The following GABRB1 variants were observed in gnomAD, a reference collection of about 807,000 sequenced individuals.
GABRB1 encodes the protein gamma-aminobutyric acid receptor subunit beta-1.
In GABRB1, 17 loss-of-function variants were observed where a neutral mutation model predicts 51.6. The observed-to-expected ratio is 0.33, with a 90% CI of 0.23 to 0.49. The LOEUF (loss-of-function observed/expected upper bound fraction) is 0.49. GABRB1 is among the 20% of genes least tolerant of loss of function. The probability of loss-of-function intolerance (pLI) is 0.99; values close to 1 mark genes in which losing one functional copy is unlikely to be tolerated. For missense variants in GABRB1, 410 were observed against 600.6 expected (o/e 0.68, Z 3.32); for synonymous variants, 247 against 218.9 (o/e 1.13, Z -1.14).
At chr4:47,032,851 C>A (rs909797880) in intron 3 of GABRB1, 2 of 421,324 alleles carry the variant, frequency 4.7e-6, no homozygotes, top group African/African-American at 4.1e-5. Flanking sequence ...GTCCCCGGAC[C>A]GGTGGTCGGC....
At chr4:47,107,221 G>T (rs527766485) in intron 3 of GABRB1, among the ~76,000 whole-genome samples, 1 of 151,964 alleles carries the variant, frequency 6.6e-6, no homozygotes, top group East Asian at 1.9e-4. Context: ...TGTTTATGAT[G>T]ATCTCTTCAT....
chr4:47,321,078 T>C (rs541045118), intron 5 of GABRB1, among the ~76,000 whole-genome samples: 1 of 152,342 alleles, frequency 6.6e-6, no homozygotes, highest in South Asian at 2.1e-4. Flanking sequence ...AGCCTATAGG[T>C]ATTTGAGACC....
intron 8 of GABRB1, among the ~76,000 whole-genome samples, chr4:47,407,835 A>G (rs1399134770): frequency 1.3e-5 from 2 of 152,246 alleles, no homozygotes; most frequent in Non-Finnish European, 2.9e-5. Context: ...ACAGTGACTC[A>G]TGTCCGTAAT....
At chr4:47,314,295 G>A (rs1560329584) in intron 4 of GABRB1, among the ~76,000 whole-genome samples, 1 of 151,836 alleles carries the variant, frequency 6.6e-6, no homozygotes, top group African/African-American at 2.4e-5. Context: ...TAAAAGTTGG[G>A]TTTTTTAAAA....
rs150620466 is a variant in GABRB1, at chr4:47,068,637, A to G, written c.240+36153A>G. Among the ~76,000 whole-genome samples the G allele has an allele frequency of 1.4e-3, 220 of 152,300 alleles. 2 individuals are homozygous for G. Among genetic ancestry groups the G allele is most frequent in the African/African-American group, 4.9e-3 (203 of 41,568 alleles). Reference sequence around the variant, plus strand: ...GTGGAGCAATCAGAACACACAAAACATTTATCAATTGTTTGCTCTCTTATA... The same window carrying G: ...GTGGAGCAATCAGAACACACAAAACGTTTATCAATTGTTTGCTCTCTTATA... On this transcript the variant is annotated intron_variant, in intron 3 of 8. Transcript: ENST00000295454.
At chr4:47,070,442 C>T (rs930957807) in intron 3 of GABRB1, among the ~76,000 whole-genome samples, 2 of 152,138 alleles carry the variant, frequency 1.3e-5, no homozygotes, top group African/African-American at 4.8e-5. Flanking sequence ...AGCGATTCTC[C>T]TGCCTCAGTC....
intron 8 of GABRB1, among the ~76,000 whole-genome samples, chr4:47,412,510 C>G (rs1030295522): frequency 2.6e-5 from 4 of 152,116 alleles, no homozygotes; most frequent in African/African-American, 7.2e-5. Flanking sequence ...ATATCAACCT[C>G]TGGTATTCTT....
chr4:47,181,465 A>G (rs1189697901), intron 4 of GABRB1, among the ~76,000 whole-genome samples: 1 of 152,014 alleles, frequency 6.6e-6, no homozygotes, highest in Non-Finnish European at 1.5e-5. Context: ...GTCCTTTCAG[A>G]TGGCAATAGA....
At chr4:47,269,248 A>G (rs1378736712) in intron 4 of GABRB1, among the ~76,000 whole-genome samples, 2 of 152,236 alleles carry the variant, frequency 1.3e-5, no homozygotes, top group African/African-American at 4.8e-5. Context: ...TGCTATGGCA[A>G]GGCTGAAACC....
intron 3 of GABRB1, among the ~76,000 whole-genome samples, chr4:47,076,712 A>G (rs1727567054): frequency 6.6e-6 from 1 of 152,170 alleles, no homozygotes. Context: ...CTGTGGTGCA[A>G]TTTGTATTTC....
At chr4:47,331,958 C>G (rs1042045160) in intron 5 of GABRB1, among the ~76,000 whole-genome samples, 1 of 152,156 alleles carries the variant, frequency 6.6e-6, no homozygotes, top group African/African-American at 2.4e-5. Context: ...CTTCTTAATA[C>G]TGTCTTCACA....
Position 47,403,620 on chromosome 4 carries a change from G to A in GABRB1, c.744G>A (p.Leu248=). ...AGAGAAACATTGGTTACTTCATTTT[G>A]CAAACCTACATGCCTTCTACACTGA... ...RLKRNIGYFI[L]QTYMPSTLIT... Residue 248 remains leucine, a synonymous_variant, in exon 7 of 9, where the codon TTG becomes TTA. Coordinates refer to ENST00000295454, the MANE Select transcript of GABRB1 (RefSeq NM_000812.4). 1 of 1,613,934 alleles carries A rather than the reference G, an allele frequency of 6.2e-7. No individual in the cohort carries two copies. The highest frequency in any genetic ancestry group is 8.5e-7 in the Non-Finnish European group (1 of 1,179,904).
At chr4:47,292,146 G>C (rs1376389431) in intron 4 of GABRB1, among the ~76,000 whole-genome samples, 4 of 152,200 alleles carry the variant, frequency 2.6e-5, no homozygotes, top group African/African-American at 9.6e-5. Flanking sequence ...TGCTGTTCTT[G>C]TGGTAGTGAG....
At chr4:47,006,675 A>G (rs544496041) in intron 1 of GABRB1, among the ~76,000 whole-genome samples, 3 of 152,330 alleles carry the variant, frequency 2.0e-5, no homozygotes, top group Admixed American at 6.5e-5. Context: ...GTTATTTTCA[A>G]CATATTTGGC....
intron 5 of GABRB1, among the ~76,000 whole-genome samples, chr4:47,360,995 T>C (rs943073970): frequency 6.6e-6 from 1 of 152,090 alleles, no homozygotes; most frequent in Non-Finnish European, 1.5e-5. Flanking sequence ...ATTACATAAA[T>C]GAGAAATTGA....
At chr4:47,150,506 A>G (rs556607630) in intron 3 of GABRB1, among the ~76,000 whole-genome samples, 44 of 152,188 alleles carry the variant, frequency 2.9e-4, no homozygotes, top group African/African-American at 1.0e-3. Flanking sequence ...ATATCATACT[A>G]TAGTATGTAG....
intron 1 of GABRB1, among the ~76,000 whole-genome samples, chr4:47,014,071 T>A (rs1724664487): frequency 6.6e-6 from 1 of 152,182 alleles, no homozygotes; most frequent in Non-Finnish European, 1.5e-5. Flanking sequence ...TTGTATATGC[T>A]ACGAAGTAGG....
chr4:47,223,888 C>A (rs1720854937), intron 4 of GABRB1, among the ~76,000 whole-genome samples: 1 of 152,136 alleles, frequency 6.6e-6, no homozygotes, highest in Non-Finnish European at 1.5e-5. Context: ...CTAGAAGTAA[C>A]ATCTCAACCA....
intron 5 of GABRB1, among the ~76,000 whole-genome samples, chr4:47,371,852 G>C (rs891174062): frequency 6.6e-6 from 1 of 152,004 alleles, no homozygotes; most frequent in African/African-American, 2.4e-5. Context: ...TTTGTCAGAC[G>C]GATAGATGGC....
Sources: allele counts gnomAD v4.1 joint callset (sites outside exome capture counted in the v4.1 genomes callset), GRCh38; gene constraint gnomAD v4.1.1; transcripts MANE v1.5; gene names NCBI Gene and HGNC (gene_info 2026-07-23, HGNC 2026-07-21).